Variants in BEND7 observed in about 807,000 individuals in gnomAD.
BEND7 encodes BEN domain-containing protein 7.
In BEND7, 28 loss-of-function variants were observed where a neutral mutation model predicts 50.9. The observed-to-expected ratio is 0.55, with a 90% CI of 0.41 to 0.75. BEND7 has a LOEUF of 0.75. BEND7 is among the 30% of genes least tolerant of loss of function. BEND7 has a pLI of 0.00. For missense variants in BEND7, 477 were observed against 491.3 expected, an observed-to-expected ratio of 0.97 and a Z score of 0.28; for synonymous variants, 170 against 183.9, an observed-to-expected ratio of 0.92 and a Z score of 0.61.
intron 5 of BEND7, among the ~76,000 whole-genome samples, chr10:13,490,977 T>C (rs996152360): frequency 6.6e-6 from 1 of 152,126 alleles, no homozygotes; most frequent in South Asian, 2.1e-4. Context: ...CTAATTTTTG[T>C]ATTTTTAGTA....
chr10:13,489,690 T>C (rs2076510803), intron 5 of BEND7, among the ~76,000 whole-genome samples: 1 of 152,116 alleles, frequency 6.6e-6, no homozygotes, highest in South Asian at 2.1e-4. Context: ...TACCAAACAG[T>C]ATAGAAGTTC....
chr10:13,500,919 C>A, intron 2 of BEND7: 3 of 824,354 alleles, frequency 3.6e-6, no homozygotes, highest in Non-Finnish European at 4.4e-6. Context: ...TAACTGTGTG[C>A]GAAAGGTCAC....
intron 6 of BEND7, among the ~76,000 whole-genome samples, chr10:13,457,278 T>A (rs930732795): frequency 2.6e-5 from 4 of 152,240 alleles, no homozygotes; most frequent in African/African-American, 9.6e-5. Context: ...CAAAGGAGGC[T>A]GTGGACTCTC....
intron 5 of BEND7, among the ~76,000 whole-genome samples, chr10:13,483,372 C>T (rs1332862808): frequency 6.6e-6 from 1 of 152,212 alleles, no homozygotes; most frequent in African/African-American, 2.4e-5. Context: ...ACTTTTCACA[C>T]AGCATTTGCT....
chr10:13,451,143 A>C (rs1278961654), intron 7 of BEND7, among the ~76,000 whole-genome samples: 1 of 151,820 alleles, frequency 6.6e-6, no homozygotes, highest in Non-Finnish European at 1.5e-5. Flanking sequence ...ACTGCCAGCA[A>C]GGTCTTTCTG....
At chr10:13,514,147 C>G (rs1443512814) in intron 2 of BEND7, among the ~76,000 whole-genome samples, 1 of 152,174 alleles carries the variant, frequency 6.6e-6, no homozygotes, top group Non-Finnish European at 1.5e-5. Flanking sequence ...GGCTCCTGTC[C>G]CATGTTCCCA....
intron 8 of BEND7, chr10:13,444,637 A>G (rs1835904313): frequency 6.6e-6 from 1 of 152,250 alleles, no homozygotes; most frequent in Non-Finnish European, 1.5e-5. Context: ...CATGTGCGAG[A>G]AAGGTGGAGT....
At chr10:13,455,460 A>G (rs910357423) in intron 6 of BEND7, among the ~76,000 whole-genome samples, 3 of 152,052 alleles carry the variant, frequency 2.0e-5, no homozygotes, top group Middle Eastern at 3.2e-3. Context: ...TTGGTGCCCT[A>G]TGAAGGTCAG....
At chr10:13,501,374 CAAAAAAAAA>C (rs58905816) in intron 2 of BEND7, among the ~76,000 whole-genome samples, 1 of 72,968 alleles carries the variant, frequency 1.4e-5, no homozygotes, top group African/African-American at 5.3e-5. Flanking sequence ...AACTCCATCT[CAAAAAAAAA>C]AAAAAAAAAA....
intron 2 of BEND7, among the ~76,000 whole-genome samples, chr10:13,524,321 T>G (rs562327896): frequency 1.3e-5 from 2 of 152,320 alleles, no homozygotes; most frequent in South Asian, 4.1e-4. Context: ...CGAATGGCTA[T>G]ATAGAGTGGT....
chr10:13,488,623 G>C (rs1031841566), intron 5 of BEND7, among the ~76,000 whole-genome samples: 1 of 152,210 alleles, frequency 6.6e-6, no homozygotes, highest in Non-Finnish European at 1.5e-5. Context: ...AAGTAGCTGG[G>C]ATTACAGGCA....
At chr10:13,439,101 C>T, downstream of BEND7, 1 of 1,387,016 alleles carries the variant, frequency 7.2e-7, no homozygotes, top group Non-Finnish European at 9.8e-7. Context: ...TCTTAACAGC[C>T]TGACATCACA....
intron 6 of BEND7, among the ~76,000 whole-genome samples, chr10:13,464,848 C>A (rs1288851597): frequency 6.6e-6 from 1 of 152,252 alleles, no homozygotes; most frequent in Admixed American, 6.5e-5. Context: ...TACACACACA[C>A]TCTTTTGGGA....
At chr10:13,504,876 ACT>A (rs1400137255) in intron 2 of BEND7, among the ~76,000 whole-genome samples, 2 of 152,032 alleles carry the variant, frequency 1.3e-5, no homozygotes, top group African/African-American at 4.8e-5. Flanking sequence ...AAATTTCAAG[ACT>A]CTACTAGATC....
intron 7 of BEND7, among the ~76,000 whole-genome samples, chr10:13,448,803 G>A (rs564252617): frequency 6.6e-5 from 10 of 152,048 alleles, no homozygotes; most frequent in East Asian, 3.9e-4. Flanking sequence ...GTAAAACCCC[G>A]TCTCTACTAA....
rs532697470 is a variant in BEND7, at chr10:13,510,135, G to C, written c.146-10055C>G. Among the ~76,000 whole-genome samples the C allele has an allele frequency of 3.7e-4, 57 of 152,222 alleles. No individual in the cohort carries two copies. In the South Asian group the frequency reaches 0.011, roughly 28 times the overall value. On this transcript the variant is annotated intron_variant, in intron 2 of 8. Coordinates refer to ENST00000466271, the MANE Select transcript of BEND7 (RefSeq NM_001369863.1). ...GGAAAAGGTCTTATAAATCAATAAA[G>C]AAGATGATGAATACTAATGATGGAA...
In BEND7 at chr10:13,474,455, C is replaced by G. The variant is rs907808533; in HGVS notation, c.1063+6444G>C. The stretch of plus-strand genomic sequence containing the variant: ...GCCGATATCTGTCATCACTGTTAGA[C>G]TCGGGTCAATACCCGTCATCACTGT... On this transcript the variant is annotated intron_variant, in intron 6 of 8. Coordinates refer to ENST00000466271, the MANE Select transcript of BEND7 (RefSeq NM_001369863.1). Among the ~76,000 whole-genome samples the G allele has an allele frequency of 2.0e-5, 3 of 151,988 alleles. No homozygotes were observed. In the East Asian group the frequency reaches 5.8e-4, roughly 29 times the overall value.
chr10:13,491,545 T>C (rs575958731), intron 5 of BEND7, among the ~76,000 whole-genome samples: 1 of 151,708 alleles, frequency 6.6e-6, no homozygotes, highest in South Asian at 2.1e-4. Context: ...TTCTTAACAA[T>C]TGTAGCAAGT....
At chr10:13,504,028 C>G (rs989998693) in intron 2 of BEND7, among the ~76,000 whole-genome samples, 1 of 152,182 alleles carries the variant, frequency 6.6e-6, no homozygotes, top group Non-Finnish European at 1.5e-5. Flanking sequence ...GAGTGACAGG[C>G]TTTGGCAGAC....
Sources: gnomAD v4.1 joint callset for allele counts (sites outside exome capture counted in the v4.1 genomes callset) on GRCh38, gnomAD v4.1.1 for gene constraint, MANE v1.5 for transcripts, NCBI Gene and HGNC (gene_info 2026-07-23, HGNC 2026-07-21) for gene names.